Variants in NWD1 observed in about 807,000 individuals in gnomAD.
NWD1 encodes the protein NACHT and WD repeat domain containing 1.
Under a neutral mutation model 135.1 loss-of-function variants are expected in NWD1, and 129 were observed. That is an observed-to-expected ratio of 0.96 (90% confidence interval 0.83 to 1.11). The LOEUF (loss-of-function observed/expected upper bound fraction) is 1.11. NWD1 is among the 50% of genes least tolerant of loss of function. The probability of loss-of-function intolerance (pLI) is 0.00; values close to 1 mark genes in which losing one functional copy is unlikely to be tolerated. For synonymous variants in NWD1, 773 were observed against 786.0 expected (o/e 0.98, Z 0.28); for missense variants, 1,740 against 1,851.3 (o/e 0.94, Z 1.10).
intron 17 of NWD1, among the ~76,000 whole-genome samples, chr19:16,802,939 C>T (rs2123113449): frequency 7.1e-6 from 1 of 141,654 alleles, no homozygotes; most frequent in East Asian, 2.0e-4. Context: ...AAGAGTCAGA[C>T]TCTGTCTCAA....
At position 16,744,429 on chromosome 19, in the gene NWD1, C is replaced by G. The variant is rs77826648; in HGVS notation, c.207C>G (p.Ile69Met). The G allele has an allele frequency of 3.8e-3, 5,833 of 1,535,402 alleles. 201 individuals are homozygous for G. In the African/African-American group the frequency reaches 0.072, roughly 19 times the overall value. ...TSIGPAFVALIGDQYGPCLIP... is the reference protein window; with the variant it reads ...TSIGPAFVALMGDQYGPCLIP... Reference sequence around the variant, plus strand: ...GACTTCCTCTCTGCCAGGCCCTCATCGGTGATCAGTACGGCCCCTGTCTGA... The same window carrying G: ...GACTTCCTCTCTGCCAGGCCCTCATGGGTGATCAGTACGGCCCCTGTCTGA... The change falls in exon 5 of 19, where the codon ATC becomes ATG. Residue 69 changes from isoleucine (I) to methionine (M), a missense_variant. Transcript: ENST00000524140.
chr19:16,812,920 G>A, intron 18 of NWD1: 1 of 774,824 alleles, frequency 1.3e-6, no homozygotes, highest in East Asian at 2.4e-5. Context: ...CCTGGGTCCT[G>A]GGCATTAGAG....
At chr19:16,803,117 G>T (rs1053869155) in intron 17 of NWD1, among the ~76,000 whole-genome samples, 2 of 152,152 alleles carry the variant, frequency 1.3e-5, no homozygotes, top group Admixed American at 6.6e-5. Context: ...GTGTGCAGGG[G>T]AATTGCCCTT....
At chr19:16,772,871 G>T (rs1042242631) in intron 10 of NWD1, among the ~76,000 whole-genome samples, 2 of 151,894 alleles carry the variant, frequency 1.3e-5, no homozygotes, top group South Asian at 4.2e-4. Flanking sequence ...GAGAAGAAGG[G>T]AGGGAGGAAG....
At position 16,736,687 on chromosome 19, in the gene NWD1, C is replaced by T. The variant is rs2122727500; in HGVS notation, c.135C>T (p.Thr45=). ...ACATTGAAGCCACTGACCACTTGACCACAGAACTCTGCTTGGAGGAGGTTG... is the reference window on the plus strand; with the variant it reads ...ACATTGAAGCCACTGACCACTTGACTACAGAACTCTGCTTGGAGGAGGTTG... ...IRNIEATDHL[T]TELCLEEVDR... is the part of the protein sequence containing the mutation. Residue 45 remains threonine, a synonymous_variant, in exon 4 of 19, where the codon ACC becomes ACT. Transcript: ENST00000524140. The T allele has an allele frequency of 6.5e-7, 1 of 1,536,262 alleles. No homozygotes were observed. Among genetic ancestry groups the T allele is most frequent in the Non-Finnish European group, 8.7e-7 (1 of 1,146,926 alleles).
At chr19:16,767,242 C>T (rs926406717) in intron 10 of NWD1, among the ~76,000 whole-genome samples, 3 of 130,896 alleles carry the variant, frequency 2.3e-5, no homozygotes, top group South Asian at 5.3e-4. Flanking sequence ...TGCAGTGGTG[C>T]GATCTCGGCT....
intron 9 of NWD1, among the ~76,000 whole-genome samples, chr19:16,764,499 C>T (rs1969146019): frequency 6.6e-6 from 1 of 151,736 alleles, no homozygotes; most frequent in African/African-American, 2.4e-5. Flanking sequence ...ATCCACTCAT[C>T]CTTCTGTCTG....
At chr19:16,735,348 A>G (rs1305698695) in intron 3 of NWD1, among the ~76,000 whole-genome samples, 4 of 151,868 alleles carry the variant, frequency 2.6e-5, no homozygotes, top group Non-Finnish European at 4.4e-5. Context: ...TAATAAAGAT[A>G]CAAAAAAATT....
chr19:16,737,560 TTTTAAG>T (rs1967873973), intron 4 of NWD1, among the ~76,000 whole-genome samples: 1 of 149,240 alleles, frequency 6.7e-6, no homozygotes, highest in Middle Eastern at 3.2e-3. Context: ...CCTGGTCTAG[TTTTAAG>T]TTTTTTTTTT....
chr19:16,723,985 C>G (rs1036666855), intron 1 of NWD1, among the ~76,000 whole-genome samples: 16 of 152,120 alleles, frequency 1.1e-4, no homozygotes, highest in Non-Finnish European at 8.8e-5. Context: ...CGTGAGCCAT[C>G]TCGCCTGGGC....
intron 11 of NWD1, among the ~76,000 whole-genome samples, chr19:16,773,538 G>A (rs1330998901): frequency 1.3e-5 from 2 of 152,110 alleles, no homozygotes; most frequent in East Asian, 3.9e-4. Context: ...TTCTTCTAAT[G>A]AGCCCGATGC....
At chr19:16,737,213 C>T (rs1967858547) in intron 4 of NWD1, among the ~76,000 whole-genome samples, 1 of 152,098 alleles carries the variant, frequency 6.6e-6, no homozygotes, top group African/African-American at 2.4e-5. Context: ...AATCAATCTC[C>T]AGTCCACAAT....
Position 16,815,011 on chromosome 19 carries a change from T to C in NWD1, c.4288-17T>C, listed in dbSNP as rs1971025917. 1 of 1,611,088 alleles carries C rather than the reference T, an allele frequency of 6.2e-7. No homozygotes were observed. Among genetic ancestry groups the C allele is most frequent in the South Asian group, 1.1e-5 (1 of 90,898 alleles). On this transcript the variant is annotated splice_polypyrimidine_tract_variant and intron_variant, in intron 18 of 18. Coordinates refer to ENST00000524140, the MANE Select transcript of NWD1 (RefSeq NM_001007525.5). ...ACCCCATTTTTCTCATTTGTGTCCT[T>C]CTCTTCACCCTTACAGGCACCCTGC...
intron 12 of NWD1, among the ~76,000 whole-genome samples, chr19:16,787,632 G>A (rs1462205176): frequency 6.6e-6 from 1 of 152,068 alleles, no homozygotes; most frequent in Non-Finnish European, 1.5e-5. Flanking sequence ...GGCCGAGGCG[G>A]GTGGATCACC....
rs1305747471 is a variant in NWD1 at position 16,740,651 on chromosome 19, T to C, written c.199-3770T>C. Reference sequence around the variant, plus strand: ...CTGCGCCCAGACTTCTATTTTTTTTTTTTTTTTTTTTTTGAGATGGAGTTG... The same window carrying C: ...CTGCGCCCAGACTTCTATTTTTTTTCTTTTTTTTTTTTTGAGATGGAGTTG... On this transcript the variant is annotated intron_variant, in intron 4 of 18. Coordinates refer to ENST00000524140, the MANE Select transcript of NWD1 (RefSeq NM_001007525.5). 2.7e-4 allele frequency among the ~76,000 whole-genome samples: 41 copies of C among 149,644 alleles called. 1 individual carries two copies. The highest frequency in any genetic ancestry group is 6.9e-3 in the Middle Eastern group (2 of 290).
intron 7 of NWD1, among the ~76,000 whole-genome samples, chr19:16,759,749 C>T (rs1395783309): frequency 2.0e-5 from 3 of 152,088 alleles, no homozygotes; most frequent in African/African-American, 7.2e-5. Flanking sequence ...TGTGTTAGCA[C>T]TTTGGGAGGC....
intron 18 of NWD1, chr19:16,812,808 G>A (rs765246509): frequency 7.7e-6 from 6 of 780,964 alleles, no homozygotes; most frequent in Non-Finnish European, 1.4e-5. Context: ...TGTGTACGTG[G>A]GCTTAAAGGA....
chr19:16,766,258 T>C (rs1236770633), intron 10 of NWD1, among the ~76,000 whole-genome samples: 3 of 151,856 alleles, frequency 2.0e-5, no homozygotes, highest in African/African-American at 7.3e-5. Flanking sequence ...ATTCTCAGGC[T>C]GAGCATGATG....
chr19:16,786,093 G>T (rs1195702142), intron 12 of NWD1, among the ~76,000 whole-genome samples: 8 of 152,018 alleles, frequency 5.3e-5, no homozygotes, highest in African/African-American at 1.9e-4. Flanking sequence ...TCGAACCCCT[G>T]ACCTCAACTG....
Sources: gnomAD v4.1 joint callset for allele counts (sites outside exome capture counted in the v4.1 genomes callset) on GRCh38, gnomAD v4.1.1 for gene constraint, MANE v1.5 for transcripts, NCBI Gene and HGNC (gene_info 2026-07-23, HGNC 2026-07-21) for gene names.